Variants in C1orf35 observed in about 807,000 individuals in gnomAD.
The protein encoded by C1orf35 is multiple myeloma tumor-associated protein 2.
C1orf35 carries 36 observed loss-of-function variants against 30.9 expected under a neutral mutation model. The ratio of observed to expected loss-of-function variants is 1.16; its 90% confidence interval spans 0.89 to 1.54. The LOEUF (loss-of-function observed/expected upper bound fraction) is 1.54, where lower values mean the gene tolerates loss of function less well. C1orf35 is among the 40% of genes most tolerant of loss of function. The pLI is 0.00. For synonymous variants in C1orf35, 179 were observed against 148.2 expected (o/e 1.21, Z -1.51); for missense variants, 396 against 358.7 (o/e 1.10, Z -0.84).
In C1orf35 at chr1:228,103,165, C is replaced by G. The variant is rs1470680541; in HGVS notation, c.63G>C (p.Val21=). ...AGTTCTCCCGCTGCTTGTCAGTCTT[C>G]ACGTCCTCCCAGTTGAACTGGTCCT... ...GGQDQFNWED[V]KTDKQRENYL... The change falls in exon 1 of 8, where the codon GTG becomes GTC. Residue 21 remains valine (V), a synonymous_variant. Coordinates refer to ENST00000272139, the MANE Select transcript of C1orf35 (RefSeq NM_024319.4). 1 of 1,611,762 alleles carries G rather than the reference C, an allele frequency of 6.2e-7. No homozygotes were observed. Among genetic ancestry groups the G allele is most frequent in the Non-Finnish European group, 8.5e-7 (1 of 1,179,508 alleles).
In C1orf35 at chr1:228,102,484, C is replaced by A. The variant is rs746296593; in HGVS notation, c.368G>T (p.Ser123Ile). The change falls in exon 4 of 8, where the codon AGC (serine) becomes ATC (isoleucine). Residue 123 changes from serine to isoleucine, a missense_variant. Transcript: ENST00000272139. ...KGVDRLLGLG[S>I]ASGSVGRVAM... ...CCTGGAAACCCGCCCGCACCTTGCG[C>A]TCCCCAGCCCCAGCAGCCGGTCCAC... 11 of 1,558,288 alleles carry A rather than the reference C, an allele frequency of 7.1e-6. No homozygotes were observed. The highest frequency in any genetic ancestry group is 9.5e-6 in the Non-Finnish European group (11 of 1,155,618).
rs2032941592 is a variant in C1orf35, at chr1:228,101,388, CTT to C, written c.617_618del (p.Lys206ArgfsTer7). On this transcript the variant is annotated frameshift_variant, in exon 7 of 8. Transcript: ENST00000272139. LOFTEE classifies it low-confidence loss of function (END_TRUNC). ...GTGGCCTCAGCTGGCCGCCTGTGCTCTTTGTCTTTCTTCTTCTTCTCTTTCTT... is the reference window on the plus strand; with the variant it reads ...GTGGCCTCAGCTGGCCGCCTGTGCTCTGTCTTTCTTCTTCTTCTCTTTCTT... ...KHKKEKKKKD[K>X]EHRRPAEATS... is the part of the protein sequence containing the mutation. The C allele has an allele frequency of 7.4e-6, 12 of 1,613,934 alleles. No individual in the cohort carries two copies. The East Asian group carries it at 2.0e-4, about 27-fold the overall frequency.
At chr1:228,102,720 G>T in intron 2 of C1orf35, 32 bp from the exon 3 acceptor site, 1 of 1,594,940 alleles carries the variant, frequency 6.3e-7, no homozygotes, top group Non-Finnish European at 8.5e-7. Flanking sequence ...CGTCAGGACG[G>T]ACGGACCTCC....
Position 228,102,918 on chromosome 1 carries a change from C to A in C1orf35, c.226G>T (p.Glu76Ter), listed in dbSNP as rs1206293681. The change falls in exon 2 of 8, where the codon GAG becomes TAG. Residue 76 changes from glutamate to a stop codon, truncating the protein, a stop_gained. Coordinates refer to ENST00000272139, the MANE Select transcript of C1orf35 (RefSeq NM_024319.4). LOFTEE classifies it high-confidence loss of function. Reference protein sequence around the residue: ...ELAAVREAEREALLAALGYKN... With the variant: ...ELAAVREAER ...ACTCACAGGGCGGCCAGCAGCGCCTCGCGCTCCGCCTCCCGCACGGCTGCC... is the reference window on the plus strand; with the variant it reads ...ACTCACAGGGCGGCCAGCAGCGCCTAGCGCTCCGCCTCCCGCACGGCTGCC... The A allele has an allele frequency of 6.7e-7, 1 of 1,491,336 alleles. No homozygotes were observed. The highest frequency in any genetic ancestry group is 2.1e-4 in the Middle Eastern group (1 of 4,760). The allele number at this position is 1,491,336 out of a possible 1,614,324, so 92.4% of individuals were successfully genotyped here.
intron 7 of C1orf35, 32 bp downstream of exon 7, chr1:228,101,307 C>T: frequency 2.5e-6 from 4 of 1,614,150 alleles, no homozygotes; most frequent in Non-Finnish European, 3.4e-6. Context: ...CAGGCCCCCA[C>T]CCCCAAGAGG....
chr1:228,101,491 G>GGT lies in C1orf35; in HGVS notation c.534-20_534-19dup. Reference sequence around the variant, plus strand: ...TCTCACAACTACAAGGAGGATACAAGGTGTGCCTCAGACCCTAGTCTTGCA... The same window carrying GGT: ...TCTCACAACTACAAGGAGGATACAAGGTGTGTGCCTCAGACCCTAGTCTTGCA... On this transcript the variant is annotated intron_variant, in intron 6 of 7. Coordinates refer to ENST00000272139, the MANE Select transcript of C1orf35 (RefSeq NM_024319.4). 2 of 1,610,202 alleles carry GGT rather than the reference G, an allele frequency of 1.2e-6. No individual in the cohort carries two copies. Among genetic ancestry groups the GGT allele is most frequent in the African/African-American group, 1.3e-5 (1 of 74,900 alleles).
rs771534451 is a variant in C1orf35, at chr1:228,102,398, G to C, written c.375-16C>G. 2 of 1,607,906 alleles carry C rather than the reference G, an allele frequency of 1.2e-6. No individual in the cohort carries two copies. The highest frequency in any genetic ancestry group is 3.3e-5 in the Admixed American group (2 of 59,720). ...CACGGAGCCACTGCAGGGACATGGC[G>C]ATGAAGACAGTACGGCAGGGGTCCG... On this transcript the variant is annotated splice_polypyrimidine_tract_variant and intron_variant, in intron 4 of 7. Transcript: ENST00000272139.
At chr1:228,103,096 A>T in intron 1 of C1orf35, 38 bp downstream of exon 1, 1 of 1,602,560 alleles carries the variant, frequency 6.2e-7, no homozygotes, top group South Asian at 1.1e-5. Flanking sequence ...GGGATCCCGG[A>T]GCCCGGAGCC....
chr1:228,101,351 G>A lies in C1orf35; in HGVS notation c.656C>T (p.Thr219Ile), dbSNP rs758767198. 11 of 1,614,182 alleles carry A rather than the reference G, an allele frequency of 6.8e-6. No individual in the cohort carries two copies. The highest frequency in any genetic ancestry group is 9.3e-6 in the Non-Finnish European group (11 of 1,180,040). The change falls in exon 7 of 8, where the codon ACA (threonine) becomes ATA (isoleucine). Residue 219 changes from threonine to isoleucine, a missense_variant. Coordinates refer to ENST00000272139, the MANE Select transcript of C1orf35 (RefSeq NM_024319.4). ...RRPAEATSSP[T>I]SPERPRHHHH... ...GACCAGGGCATACCTCTCAGGAGATGTGGGAGAGGAGGTGGCCTCAGCTGG... is the reference window on the plus strand; with the variant it reads ...GACCAGGGCATACCTCTCAGGAGATATGGGAGAGGAGGTGGCCTCAGCTGG...
chr1:228,100,781 A>C lies in C1orf35; in HGVS notation c.*350T>G. The stretch of plus-strand genomic sequence containing the variant: ...ATACAAAGAGTCAATATAAAGAAAA[A>C]TAGAGGTCACCATACTTGGCCACAG... On this transcript the variant is annotated 3_prime_UTR_variant, in exon 8 of 8. Transcript: ENST00000272139. 3.9e-6 allele frequency: 1 copy of C among 256,564 alleles called. No homozygotes were observed. The allele number at this position is 256,564 out of a possible 1,614,324, so 15.9% of individuals were successfully genotyped here.
At chr1:228,102,803 T>TGACCCCC in intron 2 of C1orf35, 96 bp downstream of exon 2, 1 of 1,187,500 alleles carries the variant, frequency 8.4e-7, no homozygotes, top group Non-Finnish European at 1.1e-6. Flanking sequence ...GCAGCCCCGC[T>TGACCCCC]CCCGCCCAGC....
At position 228,103,269 on chromosome 1, in the gene C1orf35, C is replaced by G. The variant is rs1443312791; in HGVS notation, c.-42G>C. 1.3e-6 allele frequency: 2 copies of G among 1,599,274 alleles called. No individual in the cohort carries two copies. The highest frequency in any genetic ancestry group is 1.3e-5 in the African/African-American group (1 of 74,414). ...TTGCCTGGGGCCTGCGGCTTGCAAC[C>G]TGCAACCCGCAACCCGAGACCCGCT... On this transcript the variant is annotated 5_prime_UTR_variant, in exon 1 of 8. Transcript: ENST00000272139.
chr1:228,103,097 G>A lies in C1orf35; in HGVS notation c.94+37C>T, dbSNP rs1558091593. ...TCCAGCGCCCGCCCGGGATCCCGGAGCCCGGAGCCCGGAGCCCGCCCACCG... is the reference window on the plus strand; with the variant it reads ...TCCAGCGCCCGCCCGGGATCCCGGAACCCGGAGCCCGGAGCCCGCCCACCG... On this transcript the variant is annotated intron_variant, in intron 1 of 7. Transcript: ENST00000272139. The A allele has an allele frequency of 5.6e-6, 9 of 1,602,576 alleles. No homozygotes were observed. The East Asian group carries it at 2.2e-4, about 39-fold the overall frequency.
Position 228,102,493 on chromosome 1 carries a change from C to T in C1orf35, c.359G>A (p.Gly120Glu). 1 of 1,559,052 alleles carries T rather than the reference C, an allele frequency of 6.4e-7. No homozygotes were observed. Among genetic ancestry groups the T allele is most frequent in the Non-Finnish European group, 8.7e-7 (1 of 1,155,636 alleles). The change falls in exon 4 of 8, where the codon GGG (glycine) becomes GAG (glutamate). Residue 120 changes from glycine (G) to glutamate (E), a missense_variant. Physicochemically the swap from Gly to Glu is moderately conservative, Grantham distance 98. Coordinates refer to ENST00000272139, the MANE Select transcript of C1orf35 (RefSeq NM_024319.4). ...CCGCCCGCACCTTGCGCTCCCCAGC[C>T]CCAGCAGCCGGTCCACGCCCTTCTC... ...PEEKGVDRLL[G>E]LGSASGSVGR...
rs1220085818 is a variant in C1orf35 at position 228,102,564 on chromosome 1, C to T, written c.292-4G>A. ...GCTTGCAGACCTCCGCGAAGTCCTG[C>T]AGGTGCGAGAGCACAGGGAGCGCTC... On this transcript the variant is annotated splice_region_variant and splice_polypyrimidine_tract_variant and intron_variant, in intron 3 of 7. Coordinates refer to ENST00000272139, the MANE Select transcript of C1orf35 (RefSeq NM_024319.4). The T allele has an allele frequency of 1.3e-6, 2 of 1,566,078 alleles. No individual in the cohort carries two copies. Among genetic ancestry groups the T allele is most frequent in the Non-Finnish European group, 1.7e-6 (2 of 1,158,932 alleles).
At chr1:228,101,510 T>C in intron 6 of C1orf35, 37 bp from the exon 7 acceptor site, 1 of 1,606,732 alleles carries the variant, frequency 6.2e-7, no homozygotes, top group Non-Finnish European at 8.5e-7. Flanking sequence ...CAGACCCTAG[T>C]CTTGCAAGCC....
chr1:228,101,508 A>G, intron 6 of C1orf35, 35 bp from the exon 7 acceptor site: 1 of 1,606,868 alleles, frequency 6.2e-7, no homozygotes, highest in Non-Finnish European at 8.5e-7. Flanking sequence ...CTCAGACCCT[A>G]GTCTTGCAAG....
rs1257004094 is a variant in C1orf35 at position 228,103,058 on chromosome 1, G to T, written c.95-9C>A. The T allele has an allele frequency of 1.9e-6, 3 of 1,602,714 alleles. No individual in the cohort carries two copies. The highest frequency in any genetic ancestry group is 2.6e-6 in the Non-Finnish European group (3 of 1,175,794). ...CGCCATCAGCGAGTTGCCTGCGGAC[G>T]TAGACGCTGTGAGTCCAGCGCCCGC... is the stretch of plus-strand genomic sequence containing the variant. On this transcript the variant is annotated splice_polypyrimidine_tract_variant and intron_variant, in intron 1 of 7. Transcript: ENST00000272139.
At position 228,100,932 on chromosome 1, in the gene C1orf35, G is replaced by A. The variant is rs1033660833; in HGVS notation, c.*199C>T. 2.6e-6 allele frequency: 2 copies of A among 776,914 alleles called. No individual in the cohort carries two copies. The highest frequency in any genetic ancestry group is 4.0e-6 in the Non-Finnish European group (2 of 498,614). 48.1% of individuals were successfully genotyped at this position (776,914 alleles called of 1,614,324 possible). Reference sequence around the variant, plus strand: ...AAGCCAGGGGCCATCCCTGGTATGCGAAACCTGGAGGTTTTCCAGGAAGCC... The same window carrying A: ...AAGCCAGGGGCCATCCCTGGTATGCAAAACCTGGAGGTTTTCCAGGAAGCC... On this transcript the variant is annotated 3_prime_UTR_variant, in exon 8 of 8. Transcript: ENST00000272139.
Sources: allele counts gnomAD v4.1 joint callset, GRCh38; gene constraint gnomAD v4.1.1; transcripts MANE v1.5; gene names NCBI Gene and HGNC (gene_info 2026-07-23, HGNC 2026-07-21).